SLC29A1: variants seen among roughly 807,000 people sequenced by gnomAD.
The protein encoded by SLC29A1 is solute carrier family 29 member 1 (Augustine blood group), also known as equilibrative nucleoside transporter 1.
SLC29A1 carries 22 observed loss-of-function variants against 48.3 expected under a neutral mutation model. The ratio of observed to expected loss-of-function variants is 0.46; its 90% CI spans 0.33 to 0.65. The LOEUF (loss-of-function observed/expected upper bound fraction) is 0.65, where lower values mean the gene tolerates loss of function less well. Ranked by LOEUF, SLC29A1 falls within the 30% of genes least tolerant of loss-of-function variation. The pLI is 0.03. For missense variants in SLC29A1, 491 were observed against 575.3 expected, an observed-to-expected ratio of 0.85 and a Z score of 1.50; for synonymous variants, 228 against 231.0, an observed-to-expected ratio of 0.99 and a Z score of 0.12.
chr6:44,220,611 G>A (rs1205104752), upstream of SLC29A1, among the ~76,000 whole-genome samples: 2 of 149,204 alleles, frequency 1.3e-5, no homozygotes, highest in Admixed American at 6.7e-5. Context: ...TCAGGAGTTC[G>A]AGACCAGCCT....
chr6:44,231,925 G>C, intron 9 of SLC29A1, 73 bp from the exon 10 acceptor site: 1 of 1,153,092 alleles, frequency 8.7e-7, no homozygotes, highest in Non-Finnish European at 1.3e-6. Flanking sequence ...CGCCTGGCCT[G>C]GATTCGTGGT....
chr6:44,230,177 G>A (rs1204564825), intron 5 of SLC29A1, 131 bp downstream of exon 5: 1 of 1,484,326 alleles, frequency 6.7e-7, no homozygotes, highest in Non-Finnish European at 9.3e-7. Flanking sequence ...GAGCAGCTGG[G>A]ATTCAGAGGC....
rs774410449 is a variant in SLC29A1 at position 44,229,373 on chromosome 6, TTCC to T, written c.30-10_30-8del. The T allele has an allele frequency of 2.9e-4, 469 of 1,606,158 alleles. No individual in the cohort carries two copies. Among genetic ancestry groups the T allele is most frequent in the Middle Eastern group, 1.8e-3 (11 of 6,036 alleles). ...GGATGGTGCGTCATTTGGCCCATCTTTCCTCCTCCATTGCAGATACAAAGCTGT... is the reference window on the plus strand; with the variant it reads ...GGATGGTGCGTCATTTGGCCCATCTTTCCTCCATTGCAGATACAAAGCTGT... On this transcript the variant is annotated splice_polypyrimidine_tract_variant and intron_variant, in intron 2 of 12. Coordinates refer to ENST00000371755, the MANE Select transcript of SLC29A1 (RefSeq NM_001372327.1). The surrounding 1 kb of genome is among the most constrained non-coding windows in gnomAD (Gnocchi z 5.1).
intron 12 of SLC29A1, 68 bp downstream of exon 12, chr6:44,233,074 G>C (rs2153307982): frequency 6.7e-7 from 1 of 1,492,144 alleles, no homozygotes; most frequent in East Asian, 2.3e-5. Context: ...GGGACACTCA[G>C]TAGAGGGAGG....
intron 9 of SLC29A1, among the ~76,000 whole-genome samples, chr6:44,231,702 C>T (rs1752407658): frequency 6.6e-6 from 1 of 152,118 alleles, no homozygotes; most frequent in African/African-American, 2.4e-5. Context: ...AATCTCCACT[C>T]GCTGCAACCT....
intron 1 of SLC29A1, chr6:44,226,913 C>G: frequency 1.9e-6 from 2 of 1,072,666 alleles, no homozygotes; most frequent in Non-Finnish European, 2.3e-6. Context: ...CTTTGACTGT[C>G]TTTCCCTCCC....
chr6:44,230,951 C>A, intron 8 of SLC29A1, 62 bp downstream of exon 8: 1 of 1,240,266 alleles, frequency 8.1e-7, no homozygotes, highest in Non-Finnish European at 1.2e-6. Flanking sequence ...ATAGCATGAG[C>A]AAAGAGAACA....
At position 44,233,616 on chromosome 6, in the gene SLC29A1, C is replaced by A. The variant is rs1022005087; in HGVS notation, c.*88C>A. 1.8e-6 allele frequency: 2 copies of A among 1,099,980 alleles called. No individual in the cohort carries two copies. The highest frequency in any genetic ancestry group is 1.4e-6 in the Non-Finnish European group (1 of 723,802). The allele number at this position is 1,099,980 out of a possible 1,614,324, so 68.1% of individuals were successfully genotyped here. A position where few individuals can be genotyped will look rare whatever the true frequency, so the allele number is the denominator to read the frequency against. ...CCAGGGGTGATCCTGAGTGGTCTGG[C>A]GGTTTTTTCTTCTAACTGACTTCTG... On this transcript the variant is annotated 3_prime_UTR_variant, in exon 13 of 13. Transcript: ENST00000371755.
intron 1 of SLC29A1, chr6:44,226,221 A>G: frequency 1.7e-6 from 1 of 593,766 alleles, no homozygotes; most frequent in Non-Finnish European, 2.1e-6. Context: ...CCAAACAGCA[A>G]GGCCTGGGCC....
intron 1 of SLC29A1, chr6:44,226,063 G>T (rs1396392786): frequency 3.1e-6 from 3 of 979,906 alleles, no homozygotes; most frequent in Admixed American, 6.1e-5. Flanking sequence ...GCACCCAGGA[G>T]CCCGTGGACA....
chr6:44,219,827 G>T, upstream of SLC29A1: 1 of 1,076,482 alleles, frequency 9.3e-7, no homozygotes, highest in Non-Finnish European at 1.2e-6. Flanking sequence ...GGGGTGGGGT[G>T]GGGGCGAGGT....
rs61758845 is a variant in SLC29A1 at position 44,230,585 on chromosome 6, G to C, written c.607G>C (p.Glu203Gln). Residue 203 changes from glutamate (E) to glutamine (Q), a missense_variant, in exon 7 of 13, where the codon GAA (glutamate) becomes CAA (glutamine). By Grantham distance (29) the Glu-to-Gln change is conservative. Transcript: ENST00000371755. ...CAIASGSELS[E>Q]SAFGYFITAC... is the part of the protein sequence containing the mutation. ...CACCCCAGGTGGCTCGGAGCTATCA[G>C]AAAGTGCCTTCGGCTACTTTATCAC... 25 of 1,613,946 alleles carry C rather than the reference G, an allele frequency of 1.5e-5. No homozygotes were observed. In the Admixed American group the frequency reaches 1.7e-4, roughly 11 times the overall value.
At chr6:44,222,274 G>A (rs1776527986), upstream of SLC29A1, among the ~76,000 whole-genome samples, 1 of 150,872 alleles carries the variant, frequency 6.6e-6, no homozygotes, top group Admixed American at 6.6e-5. Flanking sequence ...GGGGTGGGGT[G>A]GGGGAGGGTT....
At chr6:44,221,623 G>C, upstream of SLC29A1, 1 of 1,289,716 alleles carries the variant, frequency 7.8e-7, no homozygotes, top group African/African-American at 1.5e-5. This position sits in a 1 kb window ranked among gnomAD's most constrained non-coding sequence, Gnocchi z 4.2. Flanking sequence ...GAAGCCAGAA[G>C]ACCAGGCAGA....
Position 44,232,883 on chromosome 6 carries a change from A to G in SLC29A1, c.1136A>G (p.Asn379Ser), listed in dbSNP as rs1166319825. The change falls in exon 12 of 13, where the codon AAC becomes AGC. Residue 379 changes from asparagine to serine, a missense_variant. Transcript: ENST00000371755. The surrounding 1 kb of genome is among the most constrained non-coding windows in gnomAD (Gnocchi z 4.7). ...TTTGTGCCACTGCTGCTGCTGTGCAACATTAAGCCCCGCCGCTACCTGACT... is the reference window on the plus strand; with the variant it reads ...TTTGTGCCACTGCTGCTGCTGTGCAGCATTAAGCCCCGCCGCTACCTGACT... ...LVFVPLLLLC[N>S]IKPRRYLTVV... 6.2e-7 allele frequency: 1 copy of G among 1,614,106 alleles called. No individual in the cohort carries two copies. Among genetic ancestry groups the G allele is most frequent in the Non-Finnish European group, 8.5e-7 (1 of 1,180,036 alleles).
chr6:44,220,667 AT>A (rs1407152584), upstream of SLC29A1, among the ~76,000 whole-genome samples: 6 of 149,986 alleles, frequency 4.0e-5, no homozygotes, highest in Admixed American at 6.6e-5. Flanking sequence ...AAAAAAAAAA[AT>A]ACAAAAATTA....
In SLC29A1 at chr6:44,232,749, G is replaced by A. The variant is rs1455625090; in HGVS notation, c.1060-58G>A. The A allele has an allele frequency of 5.2e-6, 8 of 1,545,760 alleles. 1 individual carries two copies. In the South Asian group the frequency reaches 7.9e-5, roughly 15 times the overall value. On this transcript the variant is annotated intron_variant, in intron 11 of 12. Coordinates refer to ENST00000371755, the MANE Select transcript of SLC29A1 (RefSeq NM_001372327.1). This position sits in a 1 kb window ranked among gnomAD's most constrained non-coding sequence, Gnocchi z 4.7. ...TGAGGGGCCCCAGATGGATCCTTGG[G>A]GGCCTGGCTGTGCCCTGGGGTGGCG...
rs1778315251 is a variant in SLC29A1 at position 44,229,353 on chromosome 6, G to A, written c.30-37G>A. On this transcript the variant is annotated intron_variant, in intron 2 of 12. Coordinates refer to ENST00000371755, the MANE Select transcript of SLC29A1 (RefSeq NM_001372327.1). The surrounding 1 kb of genome is among the most constrained non-coding windows in gnomAD (Gnocchi z 5.1). ...GCTCATTGTGGAGTGGGGCAGGATGGTGCGTCATTTGGCCCATCTTTCCTC... is the reference window on the plus strand; with the variant it reads ...GCTCATTGTGGAGTGGGGCAGGATGATGCGTCATTTGGCCCATCTTTCCTC... 6.6e-7 allele frequency: 1 copy of A among 1,507,922 alleles called. No individual in the cohort carries two copies. 93.4% of individuals were successfully genotyped at this position (1,507,922 alleles called of 1,614,324 possible).
chr6:44,230,748 G>C, intron 7 of SLC29A1, 63 bp from the exon 8 acceptor site: 1 of 1,580,512 alleles, frequency 6.3e-7, no homozygotes, highest in Non-Finnish European at 8.7e-7. Context: ...AAAACCTGAA[G>C]GAGGCCGGGA....
Sources: allele counts gnomAD v4.1 joint callset (sites outside exome capture counted in the v4.1 genomes callset), GRCh38; gene constraint gnomAD v4.1.1; non-coding constraint Gnocchi (gnomAD v3.1); transcripts MANE v1.5; gene names NCBI Gene and HGNC (gene_info 2026-07-23, HGNC 2026-07-21).